The following JAG1 variants were observed in gnomAD, a reference collection of about 807,000 sequenced individuals.
The protein encoded by JAG1 is jagged canonical Notch ligand 1.
In JAG1, 23 loss-of-function variants were observed where a neutral mutation model predicts 148.7. That is an observed-to-expected ratio of 0.15 (90% confidence interval 0.11 to 0.22). The LOEUF is 0.22. Ranked by LOEUF, JAG1 falls within the 10% of genes least tolerant of loss-of-function variation. The pLI, the probability that JAG1 is intolerant of heterozygous loss-of-function variation, is 1.00. For missense variants in JAG1, 1,054 were observed against 1,611.2 expected, an observed-to-expected ratio of 0.65 and a Z score of 5.92; for synonymous variants, 572 against 598.3, an observed-to-expected ratio of 0.96 and a Z score of 0.64.
rs397515876 is a variant in JAG1, at chr20:10,639,572, T to C, written c.3583A>G (p.Asn1195Asp). The C allele has an allele frequency of 6.2e-6, 10 of 1,614,022 alleles. No individual in the cohort carries two copies. The African/African-American group carries it at 1.3e-4, about 22-fold the overall frequency. ...CTGTTGTCCTGTTTGTTTGTCCAGT[T>C]TGGGTGTTTTGTCGGCGTGCCGTTG... The part of the protein sequence containing the change: ...PPNGTPTKHP[N>D]WTNKQDNRDL... Residue 1195 changes from asparagine to aspartate, a missense_variant, in exon 26 of 26, where the codon AAC becomes GAC. Asn to Asp is a conservative substitution (Grantham distance 23, BLOSUM62 1). Coordinates refer to ENST00000254958, the MANE Select transcript of JAG1 (RefSeq NM_000214.3).
chr20:10,645,083 C>A lies in JAG1; in HGVS notation c.2227+60G>T. 2.6e-6 allele frequency: 4 copies of A among 1,524,926 alleles called. No individual in the cohort carries two copies. The highest frequency in any genetic ancestry group is 2.3e-5 in the East Asian group (1 of 44,442). 94.5% of individuals were successfully genotyped at this position (1,524,926 alleles called of 1,614,324 possible). A position where few individuals can be genotyped will look rare whatever the true frequency, so the allele number is the denominator to read the frequency against. On this transcript the variant is annotated intron_variant, in intron 17 of 25. Coordinates refer to ENST00000254958, the MANE Select transcript of JAG1 (RefSeq NM_000214.3). The surrounding 1 kb of genome is among the most constrained non-coding windows in gnomAD (Gnocchi z 6.1). ...AAATATCATAAGCTCCAGGGGCCAA[C>A]CAGCAGACACGCCCAGGTGGCCATG...
intron 3 of JAG1, among the ~76,000 whole-genome samples, chr20:10,661,438 T>G (rs2067416574): frequency 6.6e-6 from 1 of 152,052 alleles, no homozygotes; most frequent in Non-Finnish European, 1.5e-5. Context: ...AACAAAACAC[T>G]CCAAGTAGCA....
Position 10,641,212 on chromosome 20 carries a change from C to G in JAG1, c.2949G>C (p.Leu983Phe). 1 of 1,613,970 alleles carries G rather than the reference C, an allele frequency of 6.2e-7. No homozygotes were observed. The highest frequency in any genetic ancestry group is 8.5e-7 in the Non-Finnish European group (1 of 1,180,014). ...CATTCTTCAAAATATTCAAATTCCTCAATTCACTGCAAATGTGCTCCGTAG... is the reference window on the plus strand; with the variant it reads ...CATTCTTCAAAATATTCAAATTCCTGAATTCACTGCAAATGTGCTCCGTAG... ...GLTTEHICSE[L>F]RNLNILKNVS... Residue 983 changes from leucine to phenylalanine, a missense_variant, in exon 24 of 26, where the codon TTG becomes TTC. This residue lies in a region of JAG1 where 342 missense variants were observed against 514.6 expected (regional missense o/e 0.66). Coordinates refer to ENST00000254958, the MANE Select transcript of JAG1 (RefSeq NM_000214.3).
Position 10,639,454 on chromosome 20 carries a change from C to CAA in JAG1, c.*42_*43dup. 6.6e-7 allele frequency: 1 copy of CAA among 1,520,186 alleles called. No homozygotes were observed. The highest frequency in any genetic ancestry group is 9.1e-7 in the Non-Finnish European group (1 of 1,094,194). 94.2% of individuals were successfully genotyped at this position (1,520,186 alleles called of 1,614,324 possible). On this transcript the variant is annotated 3_prime_UTR_variant, in exon 26 of 26. Coordinates refer to ENST00000254958, the MANE Select transcript of JAG1 (RefSeq NM_000214.3). The stretch of plus-strand genomic sequence containing the variant: ...TATGACACGACAGTTTAAAGAACTA[C>CAA]AAGCCCTCAGACTCTACCTAGCGGC...
At chr20:10,657,172 C>G (rs1168263624) in intron 4 of JAG1, among the ~76,000 whole-genome samples, 1 of 152,082 alleles carries the variant, frequency 6.6e-6, no homozygotes, top group Non-Finnish European at 1.5e-5. Flanking sequence ...TCGAGACCAG[C>G]CTCAACAACA....
chr20:10,639,809 G>A lies in JAG1; in HGVS notation c.3346C>T (p.Arg1116Trp), dbSNP rs377723772. Residue 1116 changes from arginine to tryptophan, a missense_variant, in exon 26 of 26, where the codon CGG (arginine) becomes TGG (tryptophan). Physicochemically the swap from Arg to Trp is moderately radical, Grantham distance 101. Around this residue, in one of 6 missense-constraint regions of JAG1, gnomAD observed 177 missense variants for 177.3 expected, o/e 1.00. Coordinates refer to ENST00000254958, the MANE Select transcript of JAG1 (RefSeq NM_000214.3). ...TTTTTGATCTGGTTCAGCTGCTCCC[G>A]CACGTTGTTGGTGGTGTTGTCCTCA... ...ASEDNTTNNV[R>W]EQLNQIKNPI... The A allele has an allele frequency of 1.8e-5, 29 of 1,614,044 alleles. No individual in the cohort carries two copies. In the African/African-American group the frequency reaches 2.0e-4, roughly 11 times the overall value.
chr20:10,649,140 G>T (rs191878686), intron 10 of JAG1, 33 bp from the exon 11 acceptor site: 2 of 1,435,350 alleles, frequency 1.4e-6, no homozygotes, highest in East Asian at 2.3e-5. Context: ...TTTTAAAGAG[G>T]TAATTTACAG....
At chr20:10,646,855 T>C in intron 14 of JAG1, 84 bp downstream of exon 14, 3 of 1,255,432 alleles carry the variant, frequency 2.4e-6, no homozygotes, top group Non-Finnish European at 3.5e-6. Context: ...TCAACACCAA[T>C]GATCCCAGGG....
At chr20:10,643,704 G>GA in intron 20 of JAG1, 74 bp downstream of exon 20, 1 of 1,156,372 alleles carries the variant, frequency 8.6e-7, no homozygotes, top group Non-Finnish European at 1.3e-6. Context: ...TGTTTTTAAA[G>GA]ATGAAAGTCT....
intron 6 of JAG1, 55 bp from the exon 7 acceptor site, chr20:10,652,305 C>A: frequency 1.2e-6 from 2 of 1,610,332 alleles, no homozygotes; most frequent in East Asian, 2.2e-5. Context: ...GGCGAACCCA[C>A]CATGTTTCTA....
chr20:10,649,221 C>T, intron 10 of JAG1, 114 bp from the exon 11 acceptor site: 1 of 783,562 alleles, frequency 1.3e-6, no homozygotes, highest in Non-Finnish European at 2.2e-6. Context: ...TTCCTGTGTG[C>T]TTTCCGTGAG....
chr20:10,658,337 C>CT (rs2067391939), intron 4 of JAG1, 131 bp downstream of exon 4: 1 of 1,171,024 alleles, frequency 8.5e-7, no homozygotes, highest in South Asian at 1.3e-5. Flanking sequence ...CATCTTCATA[C>CT]TGCAGGCCCA....
chr20:10,639,532 G>A lies in JAG1; in HGVS notation c.3623C>T (p.Ala1208Val), dbSNP rs2122592834. ...GTACTCCATTCGGTTTAAGCTCTGG[G>A]CACTTTCCAAGTCTCTGTTGTCCTG... ...NKQDNRDLES[A>V]QSLNRMEYIV is the part of the protein sequence containing the mutation. The change falls in exon 26 of 26, where the codon GCC becomes GTC. Residue 1208 changes from alanine to valine, a missense_variant. Coordinates refer to ENST00000254958, the MANE Select transcript of JAG1 (RefSeq NM_000214.3). The A allele has an allele frequency of 3.1e-6, 5 of 1,614,192 alleles. No individual in the cohort carries two copies. Among genetic ancestry groups the A allele is most frequent in the Non-Finnish European group, 4.2e-6 (5 of 1,180,036 alleles).
rs926825923 is a variant in JAG1, at chr20:10,673,183, G to T, written c.82-177C>A. ...TTCCGGGGCAAAAAAAAAAAAAAAT[G>T]CACGAGTGCGGAAGAAATCCGACGA... On this transcript the variant is annotated intron_variant, in intron 1 of 25. Transcript: ENST00000254958. The surrounding 1 kb of genome is among the most constrained non-coding windows in gnomAD (Gnocchi z 4.7). Among the ~76,000 whole-genome samples the T allele has an allele frequency of 6.9e-6, 1 of 144,082 alleles. No homozygotes were observed. The highest frequency in any genetic ancestry group is 6.9e-5 in the Admixed American group (1 of 14,432). 94.5% of individuals were successfully genotyped at this position (144,082 alleles called of 152,430 possible).
At position 10,644,996 on chromosome 20, in the gene JAG1, G is replaced by C. The variant is rs758047313; in HGVS notation, c.2228-17C>G. The C allele has an allele frequency of 1.9e-6, 3 of 1,594,740 alleles. No homozygotes were observed. The South Asian group carries it at 3.3e-5, about 18-fold the overall frequency. On this transcript the variant is annotated splice_polypyrimidine_tract_variant and intron_variant, in intron 17 of 25. Transcript: ENST00000254958. ...TGTTTCGGGCTATAAAAGAAGAGCA[G>C]ACACGACCACCCTCCCTGAGTATCC...
At chr20:10,647,235 G>A in intron 13 of JAG1, 132 bp from the exon 14 acceptor site, 1 of 1,009,020 alleles carries the variant, frequency 9.9e-7, no homozygotes, top group Non-Finnish European at 1.5e-6. Flanking sequence ...CCCCAGGGAA[G>A]CCAAGATACT....
At chr20:10,663,866 T>A (rs2067433552) in intron 3 of JAG1, 97 bp downstream of exon 3, 1 of 931,710 alleles carries the variant, frequency 1.1e-6, no homozygotes, top group Non-Finnish European at 1.8e-6. Flanking sequence ...GTGGCAGAAA[T>A]GCTAAGTACT....
intron 13 of JAG1, 141 bp downstream of exon 13, chr20:10,647,819 G>A (rs2067319585): frequency 9.6e-6 from 9 of 935,406 alleles, no homozygotes; most frequent in East Asian, 5.2e-5. Context: ...GTTGCGGCCC[G>A]CTACACAGGC....
chr20:10,663,805 C>T (rs1475079116), intron 3 of JAG1, among the ~76,000 whole-genome samples, 158 bp downstream of exon 3: 1 of 152,166 alleles, frequency 6.6e-6, no homozygotes, highest in South Asian at 2.1e-4. Flanking sequence ...TTAAGGAATA[C>T]ATTCCACTGA....
Sources: allele counts gnomAD v4.1 joint callset (sites outside exome capture counted in the v4.1 genomes callset), GRCh38; gene constraint gnomAD v4.1.1; regional missense constraint gnomAD v4.1.1; non-coding constraint Gnocchi (gnomAD v3.1); transcripts MANE v1.5; gene names NCBI Gene and HGNC (gene_info 2026-07-23, HGNC 2026-07-21).